Variants in SAP30BP observed in about 807,000 individuals in gnomAD.
The protein encoded by SAP30BP is SAP30-binding protein.
In SAP30BP, 31 loss-of-function variants were observed where a neutral mutation model predicts 46.3. That is an observed-to-expected ratio of 0.67 (90% CI 0.50 to 0.90). The LOEUF (loss-of-function observed/expected upper bound fraction) is 0.90. Among genes scored for constraint, SAP30BP ranks in the 40% least tolerant of loss-of-function variants. SAP30BP has a pLI of 0.00. For missense variants in SAP30BP, 312 were observed against 391.0 expected (o/e 0.80, Z 1.70); for synonymous variants, 169 against 144.2 (o/e 1.17, Z -1.23).
rs772517495 is a variant in SAP30BP, at chr17:75,706,927, C to T, written c.*406C>T. 1.0e-5 allele frequency: 2 copies of T among 199,288 alleles called. No individual in the cohort carries two copies. The highest frequency in any genetic ancestry group is 2.1e-5 in the Non-Finnish European group (2 of 96,340). The allele number at this position is 199,288 out of a possible 1,614,324, so 12.3% of individuals were successfully genotyped here. A position where few individuals can be genotyped will look rare whatever the true frequency, so the allele number is the denominator to read the frequency against. On this transcript the variant is annotated 3_prime_UTR_variant, in exon 11 of 11. Transcript: ENST00000584667. The surrounding 1 kb of genome is among the most constrained non-coding windows in gnomAD (Gnocchi z 4.6). ...TGTTCAGAGGGGTGACCCAAGAAGT[C>T]ACCGTTGTTATCCGTGTATGCCTCT...
intron 3 of SAP30BP, among the ~76,000 whole-genome samples, chr17:75,685,174 C>T (rs1408215181): frequency 1.3e-5 from 2 of 152,344 alleles, no homozygotes; most frequent in East Asian, 1.9e-4. Flanking sequence ...ACCTCCTTCC[C>T]TTCGGGCCAG....
chr17:75,693,712 C>T (rs762739507), intron 4 of SAP30BP, among the ~76,000 whole-genome samples: 4 of 152,184 alleles, frequency 2.6e-5, no homozygotes, highest in African/African-American at 4.8e-5. Context: ...GGGCTTTGGT[C>T]GGTTGCCAGC....
chr17:75,707,947 C>CCTCT lies in SAP30BP; in HGVS notation c.*1427_*1430dup, dbSNP rs999184084. 2.0e-5 allele frequency: 3 copies of CCTCT among 152,202 alleles called. No homozygotes were observed. The highest frequency in any genetic ancestry group is 2.0e-4 in the Admixed American group (3 of 15,280). 9.4% of individuals were successfully genotyped at this position (152,202 alleles called of 1,614,324 possible). ...CAGTTGAGTGGTCTCAAGCCCTTAA[C>CCTCT]CTCTGTAAGCCTGTTTCTTCTCTGA... On this transcript the variant is annotated 3_prime_UTR_variant, in exon 11 of 11. Coordinates refer to ENST00000584667, the MANE Select transcript of SAP30BP (RefSeq NM_013260.8).
Position 75,706,658 on chromosome 17 carries a change from C to A in SAP30BP, c.*137C>A. On this transcript the variant is annotated 3_prime_UTR_variant, in exon 11 of 11. Transcript: ENST00000584667. The surrounding 1 kb of genome is among the most constrained non-coding windows in gnomAD (Gnocchi z 4.6). ...CTGAGAGGAGCTTCTGTTTGGCATT[C>A]CAGATGGAAGGACAGGCAGCACGGG... The A allele has an allele frequency of 8.7e-6, 7 of 804,444 alleles. No homozygotes were observed. In the Middle Eastern group the frequency reaches 2.2e-3, roughly 258 times the overall value. 49.8% of individuals were successfully genotyped at this position (804,444 alleles called of 1,614,324 possible). A position where few individuals can be genotyped will look rare whatever the true frequency, so the allele number is the denominator to read the frequency against.
chr17:75,672,047 C>A, intron 3 of SAP30BP, 184 bp downstream of exon 3: 1 of 598,420 alleles, frequency 1.7e-6, no homozygotes, highest in Non-Finnish European at 3.1e-6. Context: ...TGAACAAATC[C>A]TGAGACACAT....
At chr17:75,680,444 G>C (rs796592269) in intron 3 of SAP30BP, among the ~76,000 whole-genome samples, 6 of 152,302 alleles carry the variant, frequency 3.9e-5, no homozygotes, top group African/African-American at 1.4e-4. Flanking sequence ...TTGTGCCCTG[G>C]CCTGGCTTCC....
intron 6 of SAP30BP, 68 bp downstream of exon 6, chr17:75,702,639 C>A: frequency 1.4e-6 from 1 of 731,582 alleles, no homozygotes; most frequent in South Asian, 1.9e-5. Context: ...AAGACGTCCC[C>A]AAGGAGGTGG....
chr17:75,678,233 G>A (rs2060021635), intron 3 of SAP30BP, among the ~76,000 whole-genome samples: 2 of 152,032 alleles, frequency 1.3e-5, no homozygotes, highest in South Asian at 4.2e-4. Context: ...AAATGCAGTT[G>A]TCCCTCACTA....
intron 3 of SAP30BP, among the ~76,000 whole-genome samples, chr17:75,675,431 G>A (rs2059975944): frequency 6.6e-6 from 1 of 152,122 alleles, no homozygotes; most frequent in Non-Finnish European, 1.5e-5. Flanking sequence ...TTACAGGTGT[G>A]AGCCACCTCG....
At chr17:75,688,328 A>G (rs935110294) in intron 3 of SAP30BP, among the ~76,000 whole-genome samples, 1 of 152,214 alleles carries the variant, frequency 6.6e-6, no homozygotes, top group Non-Finnish European at 1.5e-5. Context: ...GTCTGAGAGA[A>G]TAAAGGTTTG....
At position 75,703,842 on chromosome 17, in the gene SAP30BP, C is replaced by T; in HGVS notation, c.584C>T (p.Ser195Phe). Reference sequence around the variant, plus strand: ...GATCCCCATGGCTGGTCTGAGGACTCCTACTATGAGGCATTAGGTAGCCTT... The same window carrying T: ...GATCCCCATGGCTGGTCTGAGGACTTCTACTATGAGGCATTAGGTAGCCTT... ...MFDPHGWSED[S>F]YYEALAKAQK... is the part of the protein sequence containing the mutation. The change falls in exon 8 of 11, where the codon TCC becomes TTC. Residue 195 changes from serine to phenylalanine, a missense_variant. By Grantham distance (155) the Ser-to-Phe change is radical (BLOSUM62 -2). Coordinates refer to ENST00000584667, the MANE Select transcript of SAP30BP (RefSeq NM_013260.8). 1 of 1,613,434 alleles carries T rather than the reference C, an allele frequency of 6.2e-7. No individual in the cohort carries two copies. The highest frequency in any genetic ancestry group is 1.1e-5 in the South Asian group (1 of 91,070).
intron 2 of SAP30BP, 108 bp downstream of exon 2, chr17:75,668,733 CTCCCGTTTTGTTTTAGTAT>C (rs2059854486): frequency 1.4e-6 from 1 of 699,288 alleles, no homozygotes; most frequent in Non-Finnish European, 2.4e-6. Context: ...ATCCCTTGCT[CTCCCGTTTTGTTTTAGTAT>C]TAGTGGAAGA....
chr17:75,682,690 G>A (rs915198965), intron 3 of SAP30BP, among the ~76,000 whole-genome samples: 10 of 151,968 alleles, frequency 6.6e-5, no homozygotes, highest in South Asian at 2.1e-4. Context: ...GAGGCTGGGC[G>A]CAGTGGCTCA....
At chr17:75,700,138 C>A in intron 5 of SAP30BP, 1 of 264,390 alleles carries the variant, frequency 3.8e-6, no homozygotes. Flanking sequence ...TAAGCAGAGA[C>A]AGAGAAAAGA....
chr17:75,701,894 T>A (rs1487281719), intron 5 of SAP30BP, among the ~76,000 whole-genome samples: 3 of 152,210 alleles, frequency 2.0e-5, no homozygotes, highest in Non-Finnish European at 4.4e-5. Context: ...CTGTGTGATC[T>A]TTTCACTGCT....
At chr17:75,679,909 C>T (rs1437236509) in intron 3 of SAP30BP, 1 of 152,266 alleles carries the variant, frequency 6.6e-6, no homozygotes, top group African/African-American at 2.4e-5. Flanking sequence ...GGCACCCGAA[C>T]ATCCCTTTCG....
At chr17:75,678,549 G>C (rs1049917583) in intron 3 of SAP30BP, among the ~76,000 whole-genome samples, 1 of 152,060 alleles carries the variant, frequency 6.6e-6, no homozygotes, top group Non-Finnish European at 1.5e-5. Flanking sequence ...AGGGCCGGCT[G>C]TACTCGACTC....
intron 3 of SAP30BP, 102 bp downstream of exon 3, chr17:75,671,965 T>A: frequency 1.1e-6 from 1 of 905,896 alleles, no homozygotes; most frequent in Non-Finnish European, 1.9e-6. Context: ...ACTGACAAAC[T>A]GTGCAACTGT....
chr17:75,694,033 GC>G, intron 4 of SAP30BP, among the ~76,000 whole-genome samples: 1 of 152,174 alleles, frequency 6.6e-6, no homozygotes, highest in Admixed American at 6.5e-5. Flanking sequence ...CTTTTAGAAA[GC>G]CCCCCAGCTC....
Sources: gnomAD v4.1 joint callset for allele counts (sites outside exome capture counted in the v4.1 genomes callset) on GRCh38, gnomAD v4.1.1 for gene constraint, Gnocchi (gnomAD v3.1) non-coding constraint, MANE v1.5 for transcripts, NCBI Gene and HGNC (gene_info 2026-07-23, HGNC 2026-07-21) for gene names.